The following TTBK2 variants were observed in gnomAD, a reference collection of about 807,000 sequenced individuals.
TTBK2 encodes the protein tau-tubulin kinase 2.
TTBK2 carries 28 observed loss-of-function variants against 110.8 expected under a neutral mutation model. That is an observed-to-expected ratio of 0.25 (90% CI 0.19 to 0.35). The LOEUF (loss-of-function observed/expected upper bound fraction) is 0.35. TTBK2 is among the 10% of genes least tolerant of loss of function. The pLI, the probability that TTBK2 is intolerant of heterozygous loss-of-function variation, is 1.00. For synonymous variants in TTBK2, 532 were observed against 527.3 expected (o/e 1.01, Z -0.12); for missense variants, 1,369 against 1,500.3 (o/e 0.91, Z 1.45).
chr15:42,918,763 T>G lies in TTBK2; in HGVS notation c.-68+1675A>C, dbSNP rs535992224. 3.3e-5 allele frequency among the ~76,000 whole-genome samples: 5 copies of G among 152,326 alleles called. No homozygotes were observed. In the East Asian group the frequency reaches 7.7e-4, roughly 23 times the overall value. ...CTAAAGCAAATGAGGTCTAACCTCTTGAAGATTTCCTGAAGTATTAAAATA... is the reference window on the plus strand; with the variant it reads ...CTAAAGCAAATGAGGTCTAACCTCTGGAAGATTTCCTGAAGTATTAAAATA... On this transcript the variant is annotated intron_variant, in intron 1 of 14. Coordinates refer to ENST00000267890, the MANE Select transcript of TTBK2 (RefSeq NM_173500.4).
intron 4 of TTBK2, among the ~76,000 whole-genome samples, chr15:42,834,470 T>A (rs1892910004): frequency 6.6e-6 from 1 of 152,130 alleles, no homozygotes; most frequent in South Asian, 2.1e-4. Context: ...TGATTCCAGA[T>A]CTGGAGTATG....
chr15:42,874,057 A>C (rs1894714773), intron 2 of TTBK2, among the ~76,000 whole-genome samples: 1 of 152,170 alleles, frequency 6.6e-6, no homozygotes, highest in African/African-American at 2.4e-5. Flanking sequence ...TAGCACTTGT[A>C]TTATTGCCTT....
chr15:42,776,671 A>G (rs981247274), intron 12 of TTBK2, among the ~76,000 whole-genome samples: 4 of 152,174 alleles, frequency 2.6e-5, no homozygotes, highest in African/African-American at 7.2e-5. Flanking sequence ...GCCTAATGCC[A>G]TCTTTATCAT....
At chr15:42,843,774 AAAAAAAAAG>A (rs1893338364) in intron 3 of TTBK2, among the ~76,000 whole-genome samples, 1 of 151,448 alleles carries the variant, frequency 6.6e-6, no homozygotes, top group Admixed American at 6.6e-5. Flanking sequence ...AAAAAAAAAA[AAAAAAAAAG>A]ATTTGTAACT....
chr15:42,769,487 A>C (rs926227157), intron 13 of TTBK2, among the ~76,000 whole-genome samples: 9 of 147,944 alleles, frequency 6.1e-5, no homozygotes, highest in African/African-American at 2.3e-4. Flanking sequence ...ACATTTATGC[A>C]GCCAACAGAC....
chr15:42,849,900 A>G (rs1039866136), intron 3 of TTBK2, among the ~76,000 whole-genome samples: 20 of 152,154 alleles, frequency 1.3e-4, no homozygotes, highest in Non-Finnish European at 1.5e-5. Flanking sequence ...CCTCTTCTAC[A>G]ATCTTTCATT....
At chr15:42,812,779 C>G (rs1891777713) in intron 7 of TTBK2, among the ~76,000 whole-genome samples, 1 of 151,742 alleles carries the variant, frequency 6.6e-6, no homozygotes, top group Non-Finnish European at 1.5e-5. Context: ...CAAACCAAAA[C>G]CCAACCAGAT....
At chr15:42,753,704 C>T (rs1352794008) in intron 13 of TTBK2, among the ~76,000 whole-genome samples, 1 of 152,188 alleles carries the variant, frequency 6.6e-6, no homozygotes, top group Non-Finnish European at 1.5e-5. Context: ...CAGCTCCCTT[C>T]TTATGGCCTC....
chr15:42,839,253 C>T (rs1893123099), intron 4 of TTBK2, among the ~76,000 whole-genome samples: 1 of 152,144 alleles, frequency 6.6e-6, no homozygotes. Context: ...CCAGCTGCAT[C>T]CATGTTGCTG....
At chr15:42,916,190 T>A (rs1047066566) in intron 1 of TTBK2, among the ~76,000 whole-genome samples, 1 of 152,214 alleles carries the variant, frequency 6.6e-6, no homozygotes, top group South Asian at 2.1e-4. Flanking sequence ...GTTTATTATC[T>A]ACCATATAAT....
intron 3 of TTBK2, among the ~76,000 whole-genome samples, chr15:42,857,674 A>G (rs1037276706): frequency 3.3e-5 from 5 of 152,182 alleles, no homozygotes; most frequent in African/African-American, 1.2e-4. Flanking sequence ...AGATCCCTCA[A>G]ATTTCCCTAA....
At chr15:42,756,667 T>A (rs2061951464) in intron 13 of TTBK2, among the ~76,000 whole-genome samples, 1 of 152,094 alleles carries the variant, frequency 6.6e-6, no homozygotes, top group African/African-American at 2.4e-5. Context: ...TGAGATTAAC[T>A]CATTTTAGAT....
chr15:42,820,696 G>A (rs1892251184), intron 6 of TTBK2, among the ~76,000 whole-genome samples: 1 of 150,840 alleles, frequency 6.6e-6, no homozygotes, highest in East Asian at 1.9e-4. Context: ...ACACTCTGAA[G>A]CTGCAAAAAA....
At chr15:42,898,501 ACT>A (rs1387385260) in intron 1 of TTBK2, among the ~76,000 whole-genome samples, 1 of 151,502 alleles carries the variant, frequency 6.6e-6, no homozygotes, top group East Asian at 1.9e-4. Context: ...GCAGAGTGAG[ACT>A]CTGTCTCAAA....
intron 8 of TTBK2, 96 bp downstream of exon 8, chr15:42,811,592 A>C: frequency 1.1e-6 from 1 of 922,418 alleles, no homozygotes; most frequent in Non-Finnish European, 1.7e-6. Flanking sequence ...TGTAGATTTT[A>C]AGTCTTATAC....
intron 2 of TTBK2, 21 bp downstream of exon 2, chr15:42,878,528 C>G (rs1894912391): frequency 6.2e-7 from 1 of 1,602,146 alleles, no homozygotes; most frequent in African/African-American, 1.4e-5. Flanking sequence ...CACACACACA[C>G]TCTCTGAGAT....
intron 3 of TTBK2, among the ~76,000 whole-genome samples, chr15:42,862,470 A>C (rs1381812333): frequency 1.3e-5 from 2 of 152,218 alleles, no homozygotes; most frequent in African/African-American, 4.8e-5. Context: ...CATAAACAGA[A>C]TTAAAAACAA....
At chr15:42,782,896 A>G (rs1043047377) in intron 11 of TTBK2, among the ~76,000 whole-genome samples, 10 of 151,948 alleles carry the variant, frequency 6.6e-5, no homozygotes, top group African/African-American at 2.2e-4. Flanking sequence ...TTTTTTTGCT[A>G]TAAGAACAGT....
intron 6 of TTBK2, among the ~76,000 whole-genome samples, chr15:42,819,543 A>C (rs1463908134): frequency 6.6e-6 from 1 of 152,106 alleles, no homozygotes; most frequent in Non-Finnish European, 1.5e-5. Context: ...CTATTTTAAA[A>C]TATTCTGTAT....
Sources: gnomAD v4.1 joint callset for allele counts (sites outside exome capture counted in the v4.1 genomes callset) on GRCh38, gnomAD v4.1.1 for gene constraint, MANE v1.5 for transcripts, NCBI Gene and HGNC (gene_info 2026-07-23, HGNC 2026-07-21) for gene names.